Variants in RPS6KC1 observed in about 807,000 individuals in gnomAD.
The protein encoded by RPS6KC1 is inactive ribosomal protein S6 kinase delta-1.
In RPS6KC1, 54 loss-of-function variants were observed where a neutral mutation model predicts 103.8. The ratio of observed to expected loss-of-function variants is 0.52; its 90% CI spans 0.42 to 0.65. The LOEUF is 0.65. RPS6KC1 is among the 30% of genes least tolerant of loss of function. The pLI is 0.00. For synonymous variants in RPS6KC1, 439 were observed against 438.7 expected (o/e 1.00, Z -0.01); for missense variants, 1,151 against 1,253.8 (o/e 0.92, Z 1.24).
At chr1:213,644,078 A>C in the RPS6KC1 span, among the ~76,000 whole-genome samples, 2 of 152,046 alleles carry the variant, frequency 1.3e-5, no homozygotes, top group Admixed American at 1.3e-4. Flanking sequence ...GTTTCTTATA[A>C]GGCTTTTATC....
At chr1:213,109,556 G>GTT (rs200911939) in intron 4 of RPS6KC1, among the ~76,000 whole-genome samples, 2 of 150,760 alleles carry the variant, frequency 1.3e-5, no homozygotes, top group Non-Finnish European at 3.0e-5. Context: ...GAATTAAACT[G>GTT]TTTTTTTTTC....
At chr1:213,076,600 T>C (rs2079360478) in intron 2 of RPS6KC1, among the ~76,000 whole-genome samples, 1 of 151,066 alleles carries the variant, frequency 6.6e-6, no homozygotes, top group South Asian at 2.1e-4. Context: ...TTTCAAATCC[T>C]TTTTCTTTAC....
At chr1:213,422,590 A>G in the RPS6KC1 span, among the ~76,000 whole-genome samples, 1 of 152,202 alleles carries the variant, frequency 6.6e-6, no homozygotes, top group African/African-American at 2.4e-5. Flanking sequence ...CTTATTACTT[A>G]TTAAGTGTTT....
At chr1:213,824,616 C>A in the RPS6KC1 span, among the ~76,000 whole-genome samples, 1 of 152,118 alleles carries the variant, frequency 6.6e-6, no homozygotes, top group Non-Finnish European at 1.5e-5. Context: ...GGGGGCAGGT[C>A]TTGTCCCATG....
the RPS6KC1 span, among the ~76,000 whole-genome samples, chr1:213,314,249 T>G: frequency 6.6e-6 from 1 of 152,214 alleles, no homozygotes. Context: ...CCCATTCCAA[T>G]GACCTCATCT....
chr1:213,423,594 T>A, the RPS6KC1 span, among the ~76,000 whole-genome samples: 1 of 152,174 alleles, frequency 6.6e-6, no homozygotes, highest in East Asian at 1.9e-4. Flanking sequence ...ATTTAAAAAC[T>A]GCAGCATCAC....
chr1:213,633,525 C>T, the RPS6KC1 span, among the ~76,000 whole-genome samples: 1 of 152,196 alleles, frequency 6.6e-6, no homozygotes, highest in East Asian at 1.9e-4. Context: ...ACCAGGCCTG[C>T]CTTACAAGAG....
Position 213,241,167 on chromosome 1 carries a change from A to G in RPS6KC1, c.1691A>G (p.Gln564Arg). 1.2e-6 allele frequency: 2 copies of G among 1,613,924 alleles called. No homozygotes were observed. The highest frequency in any genetic ancestry group is 1.7e-6 in the Non-Finnish European group (2 of 1,179,944). ...GCTGACAGTGACAGCCCCAGCACACAGCTGAGAGCTCACGAGCTGAAGTTC... is the reference window on the plus strand; with the variant it reads ...GCTGACAGTGACAGCCCCAGCACACGGCTGAGAGCTCACGAGCTGAAGTTC... ...LAADSDSPST[Q>R]LRAHELKFFP... The change falls in exon 11 of 15, where the codon CAG (glutamine) becomes CGG (arginine). Residue 564 changes from glutamine (Q) to arginine (R), a missense_variant. By Grantham distance (43) the Gln-to-Arg change is conservative. This residue lies in a region of RPS6KC1 where 959 missense variants were observed against 1,006.3 expected (regional missense o/e 0.95). Transcript: ENST00000366960.
the RPS6KC1 span, among the ~76,000 whole-genome samples, chr1:213,752,714 G>T: frequency 6.6e-6 from 1 of 152,206 alleles, no homozygotes; most frequent in Non-Finnish European, 1.5e-5. Flanking sequence ...GTACCTTCCT[G>T]CTGACTGGCC....
the RPS6KC1 span, among the ~76,000 whole-genome samples, chr1:213,695,191 C>T: frequency 6.6e-6 from 1 of 152,096 alleles, no homozygotes; most frequent in Non-Finnish European, 1.5e-5. Context: ...TTGAGATGAA[C>T]CTTGAAAGAT....
chr1:213,065,038 G>T (rs572053696), intron 1 of RPS6KC1, among the ~76,000 whole-genome samples: 1 of 140,020 alleles, frequency 7.1e-6, no homozygotes, highest in Non-Finnish European at 1.5e-5. Flanking sequence ...ATGCAGTGGC[G>T]CGATCTTGGC....
chr1:213,416,072 T>G, the RPS6KC1 span, among the ~76,000 whole-genome samples: 2 of 152,172 alleles, frequency 1.3e-5, no homozygotes, highest in East Asian at 3.9e-4. Context: ...TGGCCCTGTG[T>G]CACCCGGGGT....
the RPS6KC1 span, among the ~76,000 whole-genome samples, chr1:213,808,210 G>A: frequency 2.6e-5 from 4 of 152,162 alleles, no homozygotes; most frequent in Non-Finnish European, 5.9e-5. Flanking sequence ...TCCCAGTTAG[G>A]CTGCTCAGGG....
chr1:213,569,881 T>A, the RPS6KC1 span, among the ~76,000 whole-genome samples: 1 of 152,220 alleles, frequency 6.6e-6, no homozygotes, highest in East Asian at 1.9e-4. Flanking sequence ...ATCTAAGGCC[T>A]GCTGCCTCAA....
At chr1:213,216,967 G>C (rs1453421987) in intron 8 of RPS6KC1, among the ~76,000 whole-genome samples, 1 of 149,874 alleles carries the variant, frequency 6.7e-6, no homozygotes, top group Non-Finnish European at 1.5e-5. Context: ...AAGAACTAGA[G>C]AAGCAAGAGC....
chr1:213,630,832 G>A, the RPS6KC1 span, among the ~76,000 whole-genome samples: 10 of 152,310 alleles, frequency 6.6e-5, no homozygotes, highest in South Asian at 6.2e-4. Flanking sequence ...GGAGTTTGCC[G>A]GAGGTCCACT....
At chr1:213,425,104 C>T in the RPS6KC1 span, among the ~76,000 whole-genome samples, 3 of 152,000 alleles carry the variant, frequency 2.0e-5, no homozygotes, top group African/African-American at 2.4e-5. Flanking sequence ...GATGGCCGCC[C>T]GCTCACCCAT....
intron 7 of RPS6KC1, 141 bp from the exon 8 acceptor site, chr1:213,176,255 GACAA>G: frequency 2.2e-6 from 1 of 446,954 alleles, no homozygotes; most frequent in Non-Finnish European, 4.0e-6. Flanking sequence ...TTATATTACA[GACAA>G]ACAGAAACTT....
At chr1:213,772,634 C>G in the RPS6KC1 span, among the ~76,000 whole-genome samples, 1 of 112,440 alleles carries the variant, frequency 8.9e-6, no homozygotes, top group Non-Finnish European at 1.7e-5. Flanking sequence ...GGAGTGGTTT[C>G]TGAGTGCTGG....
Sources: gnomAD v4.1 joint callset for allele counts (sites outside exome capture counted in the v4.1 genomes callset) on GRCh38, gnomAD v4.1.1 for gene constraint, gnomAD v4.1.1 regional missense constraint, MANE v1.5 for transcripts, NCBI Gene and HGNC (gene_info 2026-07-23, HGNC 2026-07-21) for gene names.